Variants in NAV3 observed in about 807,000 individuals in gnomAD.
The protein encoded by NAV3 is neuron navigator 3.
NAV3 carries 87 observed loss-of-function variants against 244.7 expected under a neutral mutation model. The observed-to-expected ratio is 0.36, with a 90% CI of 0.30 to 0.42. NAV3 has a LOEUF of 0.42. Ranked by LOEUF, NAV3 falls within the 20% of genes least tolerant of loss-of-function variation. The probability of loss-of-function intolerance (pLI) is 1.00; values close to 1 mark genes in which losing one functional copy is unlikely to be tolerated. For missense variants in NAV3, 2,663 were observed against 2,893.3 expected, an observed-to-expected ratio of 0.92 and a Z score of 1.83; for synonymous variants, 1,126 against 1,042.2, an observed-to-expected ratio of 1.08 and a Z score of -1.55.
At chr12:77,974,042 T>C (rs1159916024) in intron 5 of NAV3, among the ~76,000 whole-genome samples, 1 of 152,002 alleles carries the variant, frequency 6.6e-6, no homozygotes, top group Non-Finnish European at 1.5e-5. Flanking sequence ...AAGAGAAAGT[T>C]TGTGTGTGCA....
At chr12:77,703,520 C>T (rs1025376331) in intron 2 of NAV3, among the ~76,000 whole-genome samples, 5 of 152,082 alleles carry the variant, frequency 3.3e-5, no homozygotes, top group Non-Finnish European at 7.4e-5. Context: ...TAGATGTTTA[C>T]ATTATCATGA....
rs548251278 is a variant in NAV3, at chr12:77,915,902, G to T, written c.244-24417G>T. 1.8e-4 allele frequency among the ~76,000 whole-genome samples: 27 copies of T among 152,120 alleles called. No homozygotes were observed. The South Asian group carries it at 5.4e-3, about 30-fold the overall frequency. On this transcript the variant is annotated intron_variant, in intron 1 of 39. Transcript: ENST00000397909. ...CAGTGAGCAAGACAGAGTGCTGAAT[G>T]ACATGAAGCTTACCTTCCAATGAGA...
chr12:78,191,904 T>G (rs1565785914), intron 34 of NAV3, among the ~76,000 whole-genome samples: 1 of 152,126 alleles, frequency 6.6e-6, no homozygotes, highest in Non-Finnish European at 1.5e-5. Flanking sequence ...AATAAAAAAG[T>G]GTTTAGAAAA....
At chr12:77,964,606 GC>G (rs1892350790) in intron 3 of NAV3, among the ~76,000 whole-genome samples, 1 of 151,900 alleles carries the variant, frequency 6.6e-6, no homozygotes, top group African/African-American at 2.4e-5. Flanking sequence ...TAATCTTATA[GC>G]TAGCGGCAGA....
chr12:77,624,392 T>C (rs1033160154), intron 2 of NAV3, among the ~76,000 whole-genome samples: 9 of 152,050 alleles, frequency 5.9e-5, no homozygotes, highest in South Asian at 2.1e-4. Flanking sequence ...TGGTAACCCA[T>C]AGAAGCAGCT....
chr12:77,595,495 G>A (rs1255578297), intron 2 of NAV3, among the ~76,000 whole-genome samples: 1 of 152,038 alleles, frequency 6.6e-6, no homozygotes, highest in East Asian at 1.9e-4. Context: ...TAATCGTATT[G>A]TATACTCAAG....
At chr12:77,706,531 A>G (rs1875807761) in intron 2 of NAV3, among the ~76,000 whole-genome samples, 4 of 151,370 alleles carry the variant, frequency 2.6e-5, no homozygotes, top group South Asian at 4.2e-4. Context: ...ATCGTTATCA[A>G]TAATCCCACG....
At chr12:78,084,127 T>C (rs300478) in intron 12 of NAV3, among the ~76,000 whole-genome samples, 5 of 152,112 alleles carry the variant, frequency 3.3e-5, no homozygotes, top group Non-Finnish European at 7.4e-5. Flanking sequence ...AAATCCTACA[T>C]TTCCCTGCTC....
At chr12:78,060,405 C>T (rs1884154458) in intron 12 of NAV3, among the ~76,000 whole-genome samples, 1 of 151,884 alleles carries the variant, frequency 6.6e-6, no homozygotes, top group South Asian at 2.1e-4. Context: ...AGTCTCAGCT[C>T]CCACCCTGTC....
At chr12:77,654,556 C>A (rs1225009145) in intron 2 of NAV3, among the ~76,000 whole-genome samples, 1 of 152,142 alleles carries the variant, frequency 6.6e-6, no homozygotes, top group Admixed American at 6.5e-5. Context: ...ACAGCAGTAA[C>A]CTCTGCAGAC....
At chr12:77,762,945 A>C (rs1012346582) in intron 2 of NAV3, among the ~76,000 whole-genome samples, 8 of 152,250 alleles carry the variant, frequency 5.3e-5, no homozygotes, top group African/African-American at 1.9e-4. Flanking sequence ...TCACACATGG[A>C]TAACTTACAC....
Position 77,960,234 on chromosome 12 carries a change from TA to T in NAV3, c.415-5993del, listed in dbSNP as rs376636669. On this transcript the variant is annotated intron_variant, in intron 3 of 39. Coordinates refer to ENST00000397909, the MANE Select transcript of NAV3 (RefSeq NM_001024383.2). ...CAGGAGACATAATTAATTTGACTAC[TA>T]ATATTATTTCCAATTAGGGTTTAAT... Among the ~76,000 whole-genome samples, 1,290 of 152,132 alleles carry T rather than the reference TA, an allele frequency of 8.5e-3. 19 individuals carry two copies. Among genetic ancestry groups the T allele is most frequent in the African/African-American group, 0.03 (1,231 of 41,512 alleles).
chr12:77,597,711 T>C (rs536469234), intron 2 of NAV3, among the ~76,000 whole-genome samples: 1 of 152,138 alleles, frequency 6.6e-6, no homozygotes, highest in Non-Finnish European at 1.5e-5. Flanking sequence ...CTCTAGTATA[T>C]GCAAACAATT....
chr12:77,960,485 A>T (rs749079210), intron 3 of NAV3, among the ~76,000 whole-genome samples: 26 of 149,842 alleles, frequency 1.7e-4, no homozygotes, highest in Non-Finnish European at 3.6e-4. Context: ...ACATAAACAC[A>T]TATATATATA....
At chr12:77,799,638 A>C (rs1337722124) in intron 2 of NAV3, among the ~76,000 whole-genome samples, 1 of 152,136 alleles carries the variant, frequency 6.6e-6, no homozygotes, top group African/African-American at 2.4e-5. Context: ...CGTTCCTGCC[A>C]TAGCCCTTTT....
At chr12:77,583,715 T>C (rs1022062970) in intron 2 of NAV3, among the ~76,000 whole-genome samples, 7 of 152,176 alleles carry the variant, frequency 4.6e-5, no homozygotes, top group African/African-American at 1.7e-4. Context: ...AATGACCTTT[T>C]AAATGCCCGG....
chr12:77,968,093 C>G (rs749209827), intron 4 of NAV3, among the ~76,000 whole-genome samples: 8 of 152,168 alleles, frequency 5.3e-5, no homozygotes, highest in Non-Finnish European at 1.2e-4. Flanking sequence ...AAATGCAGGA[C>G]AACCAACATT....
upstream of NAV3, among the ~76,000 whole-genome samples, chr12:77,826,322 A>C (rs570241028): frequency 3.8e-4 from 58 of 152,288 alleles, no homozygotes; most frequent in Non-Finnish European, 6.0e-4. Context: ...AGCCTAGCCA[A>C]TATGGTGAAA....
At chr12:78,019,653 A>C (rs1245283693) in intron 8 of NAV3, among the ~76,000 whole-genome samples, 1 of 152,122 alleles carries the variant, frequency 6.6e-6, no homozygotes, top group Non-Finnish European at 1.5e-5. Flanking sequence ...AAAATAATCA[A>C]GTGTAAAGAC....
Sources: allele counts gnomAD v4.1 joint callset (sites outside exome capture counted in the v4.1 genomes callset), GRCh38; gene constraint gnomAD v4.1.1; transcripts MANE v1.5; gene names NCBI Gene and HGNC (gene_info 2026-07-23, HGNC 2026-07-21).